RYR3: variants seen among roughly 807,000 people sequenced by gnomAD.
RYR3 encodes the protein brain ryanodine receptor-calcium release channel.
In RYR3, 207 loss-of-function variants were observed where a neutral mutation model predicts 584.3. The ratio of observed to expected loss-of-function variants is 0.35; its 90% confidence interval spans 0.32 to 0.40. The LOEUF (loss-of-function observed/expected upper bound fraction) is 0.40. Ranked by LOEUF, RYR3 falls within the 10% of genes least tolerant of loss-of-function variation. RYR3 has a pLI of 1.00. For synonymous variants in RYR3, 2,416 were observed against 2,248.5 expected (o/e 1.07, Z -2.11); for missense variants, 5,616 against 6,089.2 (o/e 0.92, Z 2.59).
Position 33,586,724 on chromosome 15 carries a change from T to C in RYR3, c.1788+608T>C, listed in dbSNP as rs537409410. ...GCATCTCACTAAGTGGAATGCTATA[T>C]CATTTTTTTGAGATCTCTTATAGTT... On this transcript the variant is annotated intron_variant, in intron 16 of 103. Coordinates refer to ENST00000634891, the MANE Select transcript of RYR3 (RefSeq NM_001036.6). Among the ~76,000 whole-genome samples the C allele has an allele frequency of 9.2e-5, 14 of 152,306 alleles. No individual in the cohort carries two copies. In the South Asian group the frequency reaches 2.7e-3, roughly 29 times the overall value.
intron 67 of RYR3, among the ~76,000 whole-genome samples, chr15:33,794,420 A>C (rs2075461121): frequency 6.8e-6 from 1 of 148,002 alleles, no homozygotes; most frequent in East Asian, 2.0e-4. Context: ...CACACACAAA[A>C]ATCCCTGCTT....
chr15:33,451,210 C>T (rs1282983843), intron 1 of RYR3, among the ~76,000 whole-genome samples: 1 of 152,152 alleles, frequency 6.6e-6, no homozygotes, highest in South Asian at 2.1e-4. Flanking sequence ...AACAGGCACT[C>T]CATAAATGGT....
Position 33,618,501 on chromosome 15 carries a change from G to A in RYR3, c.2357+5126G>A, listed in dbSNP as rs530169559. ...GCTTTCATCAAACACTAGCCAGAAA[G>A]AAATATGAATGTGGGAATGTCCATA... On this transcript the variant is annotated intron_variant, in intron 19 of 103. Coordinates refer to ENST00000634891, the MANE Select transcript of RYR3 (RefSeq NM_001036.6). Among the ~76,000 whole-genome samples the A allele has an allele frequency of 5.3e-5, 8 of 152,152 alleles. No homozygotes were observed. The South Asian group carries it at 1.7e-3, about 32-fold the overall frequency.
chr15:33,695,792 A>G (rs547082697), intron 38 of RYR3, among the ~76,000 whole-genome samples: 1 of 148,380 alleles, frequency 6.7e-6, no homozygotes, highest in Non-Finnish European at 1.5e-5. Context: ...CAAAAAAAAA[A>G]TTTTTTTTTT....
chr15:33,857,995 T>C (rs1451931651), intron 99 of RYR3, 81 bp downstream of exon 99: 1 of 1,567,654 alleles, frequency 6.4e-7, no homozygotes, highest in East Asian at 2.3e-5. Flanking sequence ...AGAAGGGCTG[T>C]GTGGGGGTGC....
intron 2 of RYR3, among the ~76,000 whole-genome samples, chr15:33,478,115 G>T (rs1299228750): frequency 3.3e-5 from 5 of 151,720 alleles, no homozygotes; most frequent in South Asian, 4.2e-4. Context: ...GGTTGGGGGG[G>T]GTGGTTTGGT....
chr15:33,829,524 G>A (rs1596861260), intron 85 of RYR3, among the ~76,000 whole-genome samples: 1 of 152,130 alleles, frequency 6.6e-6, no homozygotes, highest in Middle Eastern at 3.4e-3. Context: ...CAAGGCAGGA[G>A]GATCACAAGG....
chr15:33,855,932 T>C (rs1484541677), intron 98 of RYR3: 1 of 152,184 alleles, frequency 6.6e-6, no homozygotes, highest in Non-Finnish European at 1.5e-5. Flanking sequence ...AGTCTGTGTA[T>C]GACAGACAGG....
intron 38 of RYR3, among the ~76,000 whole-genome samples, chr15:33,681,396 G>A (rs755805342): frequency 3.9e-5 from 6 of 152,116 alleles, no homozygotes; most frequent in African/African-American, 1.2e-4. Flanking sequence ...CATTCCTTCT[G>A]GACTTTCTAG....
In RYR3 at chr15:33,572,769, G is replaced by A. The variant is rs551051521; in HGVS notation, c.1268+5970G>A. On this transcript the variant is annotated intron_variant, in intron 12 of 103. Coordinates refer to ENST00000634891, the MANE Select transcript of RYR3 (RefSeq NM_001036.6). Reference sequence around the variant, plus strand: ...GTGGGCGAATCACCTGAGGTCGGGGGTTCGAGACCAGCCTGACCAACATGG... The same window carrying A: ...GTGGGCGAATCACCTGAGGTCGGGGATTCGAGACCAGCCTGACCAACATGG... Among the ~76,000 whole-genome samples the A allele has an allele frequency of 7.2e-5, 11 of 152,038 alleles. No homozygotes were observed. The South Asian group carries it at 2.1e-3, about 29-fold the overall frequency.
chr15:33,845,082 G>C lies in RYR3; in HGVS notation c.13497+20G>C, dbSNP rs766578790. ...CTGAAGGTGAGCTGTTTGCCACTCTGGATCTAATCTCACTCCTTGAGGAAG... is the reference window on the plus strand; with the variant it reads ...CTGAAGGTGAGCTGTTTGCCACTCTCGATCTAATCTCACTCCTTGAGGAAG... On this transcript the variant is annotated intron_variant, in intron 93 of 103. Transcript: ENST00000634891. 6 of 1,611,628 alleles carry C rather than the reference G, an allele frequency of 3.7e-6. No individual in the cohort carries two copies. In the East Asian group the frequency reaches 1.1e-4, roughly 30 times the overall value.
chr15:33,438,824 C>T (rs1161845032), intron 1 of RYR3, among the ~76,000 whole-genome samples: 6 of 152,122 alleles, frequency 3.9e-5, no homozygotes, highest in African/African-American at 1.4e-4. Flanking sequence ...CTCTATTGCA[C>T]ATTATTATTT....
intron 1 of RYR3, among the ~76,000 whole-genome samples, chr15:33,348,182 C>T (rs967180613): frequency 4.6e-5 from 7 of 152,204 alleles, no homozygotes; most frequent in Admixed American, 3.3e-4. Flanking sequence ...ACCTGTCTCA[C>T]ACCATCTGCC....
At chr15:33,428,196 C>G (rs2044808386) in intron 1 of RYR3, among the ~76,000 whole-genome samples, 1 of 152,168 alleles carries the variant, frequency 6.6e-6, no homozygotes, top group Non-Finnish European at 1.5e-5. Flanking sequence ...AGATGGCGCA[C>G]ATTTCCTTCT....
intron 1 of RYR3, among the ~76,000 whole-genome samples, chr15:33,447,439 C>A (rs912138136): frequency 3.3e-5 from 5 of 152,140 alleles, no homozygotes; most frequent in African/African-American, 4.8e-5. Context: ...CTTCCTTCCC[C>A]ACCCCATGCC....
rs1382942568 is a variant in RYR3, at chr15:33,722,700, G to A, written c.6620-15G>A. On this transcript the variant is annotated splice_polypyrimidine_tract_variant and intron_variant, in intron 43 of 103. Transcript: ENST00000634891. ...TCCTTTTCATTGAGAAGGAAACAGT[G>A]CCTGTCTTCCTCAGGTGAGAGTGTG... is the stretch of plus-strand genomic sequence containing the variant. The A allele has an allele frequency of 1.2e-6, 2 of 1,609,630 alleles. No individual in the cohort carries two copies. The highest frequency in any genetic ancestry group is 1.7e-6 in the Non-Finnish European group (2 of 1,176,986).
chr15:33,564,496 A>T (rs2057590850), intron 11 of RYR3, among the ~76,000 whole-genome samples: 1 of 152,190 alleles, frequency 6.6e-6, no homozygotes, highest in Non-Finnish European at 1.5e-5. Flanking sequence ...GAATAAGAAC[A>T]AATCAAAAAT....
chr15:33,664,614 T>TAC lies in RYR3; in HGVS notation c.5619+878_5619+879dup, dbSNP rs1555399531. Among the ~76,000 whole-genome samples, 1,187 of 119,244 alleles carry TAC rather than the reference T, an allele frequency of 1.0e-2. 32 individuals carry two copies. Among genetic ancestry groups the TAC allele is most frequent in the Middle Eastern group, 0.019 (4 of 212 alleles). The allele number at this position is 119,244 out of a possible 152,430, so 78.2% of individuals were successfully genotyped here. On this transcript the variant is annotated intron_variant, in intron 36 of 103. Coordinates refer to ENST00000634891, the MANE Select transcript of RYR3 (RefSeq NM_001036.6). The stretch of plus-strand genomic sequence containing the variant: ...GTATATATATATATATATATATATA[T>TAC]ACGTATGTATACATCTGCGAGGGAG...
chr15:33,470,312 T>G (rs2048827807), intron 1 of RYR3, among the ~76,000 whole-genome samples: 1 of 152,194 alleles, frequency 6.6e-6, no homozygotes, highest in Non-Finnish European at 1.5e-5. Context: ...TATTTTATAT[T>G]GACAGAGTTG....
Sources: allele counts gnomAD v4.1 joint callset (sites outside exome capture counted in the v4.1 genomes callset), GRCh38; gene constraint gnomAD v4.1.1; transcripts MANE v1.5; gene names NCBI Gene and HGNC (gene_info 2026-07-23, HGNC 2026-07-21).